DCC: variants seen among roughly 807,000 people sequenced by gnomAD.
The protein encoded by DCC is DCC netrin 1 receptor.
Under a neutral mutation model 172.5 loss-of-function variants are expected in DCC, and 58 were observed. The observed-to-expected ratio is 0.34, with a 90% CI of 0.27 to 0.42. The LOEUF is 0.42. DCC is among the 10% of genes least tolerant of loss of function. DCC has a pLI of 1.00. For synonymous variants in DCC, 709 were observed against 644.5 expected, an observed-to-expected ratio of 1.10 and a Z score of -1.52; for missense variants, 1,740 against 1,791.0, an observed-to-expected ratio of 0.97 and a Z score of 0.51.
Position 53,215,590 on chromosome 18 carries a change from A to G in DCC, c.1904A>G (p.Asn635Ser), listed in dbSNP as rs202126448. 7.3e-5 allele frequency: 118 copies of G among 1,613,294 alleles called. No individual in the cohort carries two copies. The highest frequency in any genetic ancestry group is 2.7e-5 in the African/African-American group (2 of 74,892). ...PPQNVSLEVV[N>S]SRSIKVSWLP... ...CAGAACGTCTCCCTGGAAGTGGTCA[A>G]TTCAAGAGTAAGTTGGCTAAATGTT... The change falls in exon 12 of 29, where the codon AAT (asparagine) becomes AGT (serine). Residue 635 changes from asparagine (N) to serine (S), a missense_variant. By Grantham distance (46) the Asn-to-Ser change is conservative. Around this residue, in one of 2 missense-constraint regions of DCC, gnomAD observed 1,732 missense variants for 1,767.4 expected, o/e 0.98. Transcript: ENST00000442544.
intron 12 of DCC, among the ~76,000 whole-genome samples, chr18:53,238,205 G>A (rs2144630858): frequency 6.6e-6 from 1 of 152,158 alleles, no homozygotes; most frequent in Non-Finnish European, 1.5e-5. Context: ...AATTGCACTT[G>A]ATTCTACTCT....
intron 7 of DCC, among the ~76,000 whole-genome samples, chr18:53,078,623 T>G (rs1169647665): frequency 6.6e-6 from 1 of 152,148 alleles, no homozygotes; most frequent in Non-Finnish European, 1.5e-5. Context: ...TTTTTTTATT[T>G]AAAGTATCTA....
intron 9 of DCC, among the ~76,000 whole-genome samples, chr18:53,191,622 G>A (rs2055367759): frequency 6.6e-6 from 1 of 152,178 alleles, no homozygotes; most frequent in African/African-American, 2.4e-5. Flanking sequence ...AGGAAGTCAA[G>A]AAGGTTGACA....
At position 53,127,400 on chromosome 18, in the gene DCC, A is replaced by G. The variant is rs117991815; in HGVS notation, c.1262-29956A>G. Among the ~76,000 whole-genome samples the G allele has an allele frequency of 6.5e-3, 994 of 152,158 alleles. 13 individuals carry two copies. Among genetic ancestry groups the G allele is most frequent in the Non-Finnish European group, 7.1e-3 (480 of 67,996 alleles). On this transcript the variant is annotated intron_variant, in intron 7 of 28. Coordinates refer to ENST00000442544, the MANE Select transcript of DCC (RefSeq NM_005215.4). ...TAAATCAACAAGGCAGAGAAGCCCT[A>G]AAATTTGCCTTGCTGCTCTACATTA...
chr18:53,242,762 G>T (rs554308990), intron 12 of DCC, among the ~76,000 whole-genome samples: 1 of 152,116 alleles, frequency 6.6e-6, no homozygotes, highest in Non-Finnish European at 1.5e-5. Flanking sequence ...CAAAAAAAAT[G>T]TGCCAGTATC....
At chr18:53,026,682 A>G (rs2041959170) in intron 5 of DCC, among the ~76,000 whole-genome samples, 1 of 152,052 alleles carries the variant, frequency 6.6e-6, no homozygotes, top group Non-Finnish European at 1.5e-5. Context: ...TTGCCTCCCA[A>G]GTAGCTGGAA....
Position 52,689,233 on chromosome 18 carries a change from A to C in DCC, c.92-62821A>C, listed in dbSNP as rs144146670. Among the ~76,000 whole-genome samples the C allele has an allele frequency of 4.8e-3, 732 of 152,280 alleles. 18 individuals are homozygous for C. The highest frequency in any genetic ancestry group is 0.042 in the Admixed American group (640 of 15,278). On this transcript the variant is annotated intron_variant, in intron 1 of 28. Transcript: ENST00000442544. The stretch of plus-strand genomic sequence containing the variant: ...AATCACACGAAACAACTTGAGAAAG[A>C]AGCAAGAAAGTTCATAATTAAGTGC...
intron 2 of DCC, among the ~76,000 whole-genome samples, chr18:52,814,982 T>G (rs918171544): frequency 1.3e-5 from 2 of 152,106 alleles, no homozygotes; most frequent in South Asian, 2.1e-4. Flanking sequence ...GGTGACTCAT[T>G]ATAAATGGAT....
intron 1 of DCC, among the ~76,000 whole-genome samples, chr18:52,654,989 A>T (rs546222240): frequency 6.3e-4 from 96 of 152,300 alleles, no homozygotes; most frequent in African/African-American, 2.2e-3. Context: ...CTACAAAAAT[A>T]AATTTGCCCA....
intron 1 of DCC, among the ~76,000 whole-genome samples, chr18:52,638,199 A>T (rs2034818650): frequency 6.6e-6 from 1 of 152,176 alleles, no homozygotes; most frequent in Non-Finnish European, 1.5e-5. Flanking sequence ...CTGGAAACAC[A>T]TCCAAACAGA....
intron 1 of DCC, among the ~76,000 whole-genome samples, chr18:52,645,844 A>T (rs2035008171): frequency 6.6e-6 from 1 of 152,188 alleles, no homozygotes; most frequent in East Asian, 1.9e-4. Context: ...AATATGAAAG[A>T]CTTGGCTGTA....
At chr18:53,491,135 C>G (rs1021629630) in intron 26 of DCC, among the ~76,000 whole-genome samples, 3 of 152,074 alleles carry the variant, frequency 2.0e-5, no homozygotes, top group Non-Finnish European at 4.4e-5. Context: ...GCCAGGATCA[C>G]AGGAGCCAGC....
At chr18:52,528,048 G>C (rs1054151228) in intron 1 of DCC, among the ~76,000 whole-genome samples, 1 of 152,148 alleles carries the variant, frequency 6.6e-6, no homozygotes, top group African/African-American at 2.4e-5. Flanking sequence ...CTTTATTACA[G>C]CTAAATATGA....
chr18:53,063,218 C>A, intron 5 of DCC, 87 bp from the exon 6 acceptor site: 1 of 1,135,348 alleles, frequency 8.8e-7, no homozygotes, highest in Non-Finnish European at 1.3e-6. Context: ...TATCCCAGAG[C>A]AGTGTTTTAA....
intron 1 of DCC, among the ~76,000 whole-genome samples, chr18:52,744,429 T>C (rs947468131): frequency 1.3e-5 from 2 of 152,212 alleles, no homozygotes; most frequent in African/African-American, 4.8e-5. Context: ...TTTTACATTA[T>C]TTAAGTTCAG....
At chr18:52,700,484 G>A (rs2036105825) in intron 1 of DCC, among the ~76,000 whole-genome samples, 1 of 152,136 alleles carries the variant, frequency 6.6e-6, no homozygotes, top group African/African-American at 2.4e-5. Flanking sequence ...GCTACATCCA[G>A]GTAGTCTCAC....
At chr18:53,403,622 A>G (rs1304547364) in intron 19 of DCC, among the ~76,000 whole-genome samples, 2 of 152,232 alleles carry the variant, frequency 1.3e-5, no homozygotes, top group African/African-American at 2.4e-5. Flanking sequence ...TATGAAAAAT[A>G]TTGTATAACT....
rs146640533 is a variant in DCC at position 53,481,425 on chromosome 18, A to G, written c.3737-5372A>G. ...AGGGCTTTTCCAAAAGCGACCCTCT[A>G]TGGAGTTTGTGGATACTTGTGAATG... is the stretch of plus-strand genomic sequence containing the variant. On this transcript the variant is annotated intron_variant, in intron 25 of 28. Coordinates refer to ENST00000442544, the MANE Select transcript of DCC (RefSeq NM_005215.4). Among the ~76,000 whole-genome samples the G allele has an allele frequency of 5.1e-3, 771 of 152,284 alleles. 5 individuals carry two copies. The highest frequency in any genetic ancestry group is 0.015 in the African/African-American group (606 of 41,574).
At chr18:53,226,934 G>GTGTGTATATATA (rs34949557) in intron 12 of DCC, among the ~76,000 whole-genome samples, 10 of 68,136 alleles carry the variant, frequency 1.5e-4, no homozygotes, top group African/African-American at 5.6e-4. Context: ...GTGTGTGTGT[G>GTGTGTATATATA]TATATATATA....
Sources: gnomAD v4.1 joint callset for allele counts (sites outside exome capture counted in the v4.1 genomes callset) on GRCh38, gnomAD v4.1.1 for gene constraint, gnomAD v4.1.1 regional missense constraint, MANE v1.5 for transcripts, NCBI Gene and HGNC (gene_info 2026-07-23, HGNC 2026-07-21) for gene names.